Variants in RAB11FIP1 observed in about 807,000 individuals in gnomAD.
The protein encoded by RAB11FIP1 is rab11 family-interacting protein 1.
RAB11FIP1 carries 49 observed loss-of-function variants against 83.1 expected under a neutral mutation model. The ratio of observed to expected loss-of-function variants is 0.59; its 90% CI spans 0.47 to 0.75. RAB11FIP1 has a LOEUF of 0.75. Ranked by LOEUF, RAB11FIP1 falls within the 30% of genes least tolerant of loss-of-function variation. RAB11FIP1 has a pLI of 0.00. For missense variants in RAB11FIP1, 1,536 were observed against 1,598.7 expected, an observed-to-expected ratio of 0.96 and a Z score of 0.67; for synonymous variants, 670 against 656.0, an observed-to-expected ratio of 1.02 and a Z score of -0.33.
Position 37,871,739 on chromosome 8 carries a change from C to A in RAB11FIP1, c.3063G>T (p.Leu1021Phe). Residue 1021 changes from leucine (L) to phenylalanine (F), a missense_variant, in exon 4 of 6, where the codon TTG becomes TTT. Coordinates refer to ENST00000330843, the MANE Select transcript of RAB11FIP1 (RefSeq NM_001002814.3). The stretch of plus-strand genomic sequence containing the variant: ...AATCACACAGGCCCTCCCCCAGTAC[C>A]AACCTATCTGCCTCGCCACTGGGCC... ...GKGPSGEADR[L>F]VLGEGLCDFR... 1 of 1,613,736 alleles carries A rather than the reference C, an allele frequency of 6.2e-7. No homozygotes were observed. Among genetic ancestry groups the A allele is most frequent in the Admixed American group, 1.7e-5 (1 of 60,016 alleles).
At chr8:37,887,570 T>C (rs1386873074) in intron 1 of RAB11FIP1, among the ~76,000 whole-genome samples, 1 of 151,438 alleles carries the variant, frequency 6.6e-6, no homozygotes, top group Non-Finnish European at 1.5e-5. Context: ...CTCAGTCCCA[T>C]GCTAATCTGA....
At chr8:37,893,122 TG>T (rs1404397458) in intron 1 of RAB11FIP1, among the ~76,000 whole-genome samples, 2 of 151,208 alleles carry the variant, frequency 1.3e-5, no homozygotes, top group African/African-American at 4.9e-5. Flanking sequence ...TAGCCCAGGC[TG>T]GAGTGCAGTG....
intron 1 of RAB11FIP1, chr8:37,877,856 A>G: frequency 4.3e-6 from 1 of 234,414 alleles, no homozygotes; most frequent in Non-Finnish European, 8.3e-6. Context: ...AGTAGCTGAG[A>G]TTACAGGAGC....
Position 37,871,543 on chromosome 8 carries a change from G to C in RAB11FIP1, c.3259C>G (p.Pro1087Ala), listed in dbSNP as rs1342545769. ...PMGNGSPSPP[P>A]GTSLDNPVPS... ...ACAGGATTGTCCAGGGATGTGCCAG[G>C]AGGCGGGCTTGGACTCCCATTTCCC... Residue 1087 changes from proline to alanine, a missense_variant, in exon 4 of 6, where the codon CCT becomes GCT. Physicochemically the swap from Pro to Ala is conservative, Grantham distance 27 (BLOSUM62 -1). Transcript: ENST00000330843. The C allele has an allele frequency of 1.9e-6, 3 of 1,602,544 alleles. No homozygotes were observed. The highest frequency in any genetic ancestry group is 2.6e-6 in the Non-Finnish European group (3 of 1,172,724).
At chr8:37,870,740 T>C in intron 4 of RAB11FIP1, 1 of 492,794 alleles carries the variant, frequency 2.0e-6, no homozygotes, top group East Asian at 3.2e-5. Context: ...GGAAAGCATG[T>C]CCTTGTCCAG....
At chr8:37,873,380 G>A (rs576244923) in intron 3 of RAB11FIP1, 101 of 507,194 alleles carry the variant, frequency 2.0e-4, no homozygotes, top group African/African-American at 1.7e-3. Context: ...CGAGGCAGGC[G>A]GATCACCTGA....
At chr8:37,877,708 ATTTTTTTTTTTTTTT>A (rs59670170) in intron 1 of RAB11FIP1, 157 bp from the exon 2 acceptor site, 19 of 211,118 alleles carry the variant, frequency 9.0e-5, no homozygotes, top group African/African-American at 6.2e-4. Context: ...TGAGAGCAGA[ATTTTTTTTTTTTTTT>A]TTTTTTTTTT....
intron 1 of RAB11FIP1, among the ~76,000 whole-genome samples, chr8:37,888,351 C>T (rs1274043510): frequency 6.6e-6 from 1 of 152,124 alleles, no homozygotes; most frequent in Non-Finnish European, 1.5e-5. Flanking sequence ...AGGTGATCCG[C>T]CCCCTTTGGC....
chr8:37,892,425 A>ATATTTATTTATTTATTTATT (rs146042883), intron 1 of RAB11FIP1, among the ~76,000 whole-genome samples: 1 of 144,104 alleles, frequency 6.9e-6, no homozygotes, highest in African/African-American at 2.5e-5. Flanking sequence ...ACTTTTATTT[A>ATATTTATTTATTTATTTATT]TATTTATTTA....
Position 37,862,635 on chromosome 8 carries a change from C to CTCTG in RAB11FIP1, c.*256_*259dup. ...TCAGGATCAGATCTTATGACCACAT[C>CTCTG]TCTGGTGGGCATAAAATATTTACAA... On this transcript the variant is annotated 3_prime_UTR_variant, in exon 6 of 6. Transcript: ENST00000330843. The CTCTG allele has an allele frequency of 2.6e-6, 1 of 390,050 alleles. No individual in the cohort carries two copies. The highest frequency in any genetic ancestry group is 4.7e-6 in the Non-Finnish European group (1 of 211,280). The allele number at this position is 390,050 out of a possible 1,614,324, so 24.2% of individuals were successfully genotyped here.
At chr8:37,871,213 C>T (rs1806448738) in intron 4 of RAB11FIP1, 65 bp downstream of exon 4, 1 of 1,532,812 alleles carries the variant, frequency 6.5e-7, no homozygotes, top group Non-Finnish European at 8.7e-7. Context: ...GCCGTAACCT[C>T]TGCAGGTAGG....
At chr8:37,871,068 C>G (rs1806442149) in intron 4 of RAB11FIP1, 3 of 587,596 alleles carry the variant, frequency 5.1e-6, no homozygotes, top group South Asian at 4.8e-5. Context: ...AATTCCTAAG[C>G]TATATTTACA....
In RAB11FIP1 at chr8:37,874,896, G is replaced by A. The variant is rs1203865509; in HGVS notation, c.1241C>T (p.Pro414Leu). 1.2e-6 allele frequency: 2 copies of A among 1,614,028 alleles called. No homozygotes were observed. Among genetic ancestry groups the A allele is most frequent in the Non-Finnish European group, 1.7e-6 (2 of 1,180,032 alleles). Residue 414 changes from proline to leucine, a missense_variant, in exon 3 of 6, where the codon CCC becomes CTC. Coordinates refer to ENST00000330843, the MANE Select transcript of RAB11FIP1 (RefSeq NM_001002814.3). ...VSGDLRENMA[P>L]ANSEATKEAK... ...TTCTTTTGTGGCCTCTGAGTTTGCG[G>A]GGGCCATGTTTTCCCTGAGGTCCCC... is the stretch of plus-strand genomic sequence containing the variant.
At chr8:37,868,059 T>C (rs890991481) in intron 5 of RAB11FIP1, among the ~76,000 whole-genome samples, 1 of 152,066 alleles carries the variant, frequency 6.6e-6, no homozygotes, top group Non-Finnish European at 1.5e-5. Context: ...TGCGATGAGC[T>C]ATGATTGCAC....
At position 37,871,533 on chromosome 8, in the gene RAB11FIP1, G is replaced by T. The variant is rs1806460189; in HGVS notation, c.3269C>A (p.Ser1090Tyr). The part of the protein sequence containing the change: ...NGSPSPPPGT[S>Y]LDNPVPSPSP... ...GGGGCTGGGTACAGGATTGTCCAGGGATGTGCCAGGAGGCGGGCTTGGACT... is the reference window on the plus strand; with the variant it reads ...GGGGCTGGGTACAGGATTGTCCAGGTATGTGCCAGGAGGCGGGCTTGGACT... The change falls in exon 4 of 6, where the codon TCC (serine) becomes TAC (tyrosine). Residue 1090 changes from serine to tyrosine, a missense_variant. Coordinates refer to ENST00000330843, the MANE Select transcript of RAB11FIP1 (RefSeq NM_001002814.3). The T allele has an allele frequency of 6.2e-7, 1 of 1,605,126 alleles. No homozygotes were observed. The highest frequency in any genetic ancestry group is 8.5e-7 in the Non-Finnish European group (1 of 1,174,534).
At chr8:37,882,888 A>G (rs909746526) in intron 1 of RAB11FIP1, among the ~76,000 whole-genome samples, 8 of 152,198 alleles carry the variant, frequency 5.3e-5, no homozygotes, top group Non-Finnish European at 8.8e-5. Context: ...CTCAGGTCCA[A>G]TCCCTGGGTC....
Position 37,873,014 on chromosome 8 carries a change from G to C in RAB11FIP1, c.1788C>G (p.Ser596=), listed in dbSNP as rs779578657. ...TQSSESPSVF[S]SLSSPIAAPI... ...GAGCTGCTATGGGAGATGAGAGAGAGGAGAAGACAGAAGGACTCTCAGAGG... is the reference window on the plus strand; with the variant it reads ...GAGCTGCTATGGGAGATGAGAGAGACGAGAAGACAGAAGGACTCTCAGAGG... Residue 596 remains serine, a synonymous_variant, in exon 4 of 6, where the codon TCC becomes TCG. Coordinates refer to ENST00000330843, the MANE Select transcript of RAB11FIP1 (RefSeq NM_001002814.3). 72 of 1,613,030 alleles carry C rather than the reference G, an allele frequency of 4.5e-5. No homozygotes were observed. Among genetic ancestry groups the C allele is most frequent in the Non-Finnish European group, 6.1e-5 (72 of 1,180,004 alleles).
intron 1 of RAB11FIP1, among the ~76,000 whole-genome samples, chr8:37,893,723 G>A (rs1313691294): frequency 6.6e-6 from 1 of 152,058 alleles, no homozygotes; most frequent in Non-Finnish European, 1.5e-5. Flanking sequence ...CCAGGAGGTC[G>A]AGGCTGCAGT....
chr8:37,885,509 C>A (rs975766101), intron 1 of RAB11FIP1, among the ~76,000 whole-genome samples: 3 of 152,090 alleles, frequency 2.0e-5, no homozygotes, highest in African/African-American at 7.2e-5. Flanking sequence ...AATAGGCTAC[C>A]CTGCAGTTTT....
Sources: allele counts gnomAD v4.1 joint callset (sites outside exome capture counted in the v4.1 genomes callset), GRCh38; gene constraint gnomAD v4.1.1; transcripts MANE v1.5; gene names NCBI Gene and HGNC (gene_info 2026-07-23, HGNC 2026-07-21).